EDN1: variants seen among roughly 807,000 people sequenced by gnomAD.
The protein encoded by EDN1 is endothelin-1.
Under a neutral mutation model 21.7 loss-of-function variants are expected in EDN1, and 11 were observed. That is an observed-to-expected ratio of 0.51 (90% CI 0.32 to 0.84). The LOEUF is 0.84. Ranked by LOEUF, EDN1 falls within the 40% of genes least tolerant of loss-of-function variation. The pLI, the probability that EDN1 is intolerant of heterozygous loss-of-function variation, is 0.03. For missense variants in EDN1, 244 were observed against 262.3 expected (o/e 0.93, Z 0.48); for synonymous variants, 85 against 90.6 (o/e 0.94, Z 0.35).
chr6:12,296,137 C>T lies in EDN1; in HGVS notation c.*70C>T. ...CCTGTGGCCGACTCTGCACTCTCCACCCTGGCTGGGATCAGAGCAGGAGCA... is the reference window on the plus strand; with the variant it reads ...CCTGTGGCCGACTCTGCACTCTCCATCCTGGCTGGGATCAGAGCAGGAGCA... On this transcript the variant is annotated 3_prime_UTR_variant, in exon 5 of 5. Coordinates refer to ENST00000379375, the MANE Select transcript of EDN1 (RefSeq NM_001955.5). The T allele has an allele frequency of 7.2e-7, 1 of 1,387,386 alleles. No homozygotes were observed. The highest frequency in any genetic ancestry group is 1.2e-5 in the South Asian group (1 of 86,276). The allele number at this position is 1,387,386 out of a possible 1,614,324, so 85.9% of individuals were successfully genotyped here.
chr6:12,241,258 T>C, the EDN1 span, among the ~76,000 whole-genome samples: 7 of 151,476 alleles, frequency 4.6e-5, no homozygotes, highest in African/African-American at 1.7e-4. Context: ...CTCTGCCTCC[T>C]GGGTTCAAGC....
the EDN1 span, among the ~76,000 whole-genome samples, chr6:12,276,524 A>G: frequency 6.6e-6 from 1 of 152,238 alleles, no homozygotes; most frequent in Non-Finnish European, 1.5e-5. Flanking sequence ...ATTGGGTGTA[A>G]TAAGTGTTAT....
the EDN1 span, among the ~76,000 whole-genome samples, chr6:12,253,871 C>T: frequency 3.3e-5 from 5 of 152,244 alleles, no homozygotes; most frequent in East Asian, 3.9e-4. Context: ...CCCAATCTAC[C>T]GCCCGTGACG....
the EDN1 span, among the ~76,000 whole-genome samples, chr6:12,255,904 T>C: frequency 6.6e-6 from 1 of 152,228 alleles, no homozygotes; most frequent in Non-Finnish European, 1.5e-5. Flanking sequence ...AAAGATATGT[T>C]GGAATGTCTC....
chr6:12,254,973 T>G, the EDN1 span, among the ~76,000 whole-genome samples: 1 of 152,194 alleles, frequency 6.6e-6, no homozygotes, highest in African/African-American at 2.4e-5. Context: ...GAAAAAGTAC[T>G]CAATAATTAC....
the EDN1 span, among the ~76,000 whole-genome samples, chr6:12,284,688 G>T: frequency 1.1e-3 from 131 of 116,790 alleles, 1 homozygote; most frequent in East Asian, 0.032. Context: ...GAAAGAAAGA[G>T]AGAAAGAAAG....
At chr6:12,261,744 C>T in the EDN1 span, among the ~76,000 whole-genome samples, 87 of 152,208 alleles carry the variant, frequency 5.7e-4, no homozygotes, top group African/African-American at 2.1e-3. Flanking sequence ...GAGGCGGCGG[C>T]GCATGTATTT....
At chr6:12,266,705 G>A in the EDN1 span, among the ~76,000 whole-genome samples, 2 of 152,168 alleles carry the variant, frequency 1.3e-5, no homozygotes, top group African/African-American at 2.4e-5. Context: ...GAGAGTGGGG[G>A]CTAGGCCAGC....
chr6:12,263,512 A>T, the EDN1 span, among the ~76,000 whole-genome samples: 1 of 152,184 alleles, frequency 6.6e-6, no homozygotes, highest in African/African-American at 2.4e-5. Flanking sequence ...CTTTGACATA[A>T]ACTAGCCCCA....
chr6:12,238,589 C>T, the EDN1 span, among the ~76,000 whole-genome samples: 1 of 152,242 alleles, frequency 6.6e-6, no homozygotes. Flanking sequence ...AACCCTTAGA[C>T]TGCCAGCTGT....
chr6:12,237,661 G>A, the EDN1 span, among the ~76,000 whole-genome samples: 1 of 152,042 alleles, frequency 6.6e-6, no homozygotes, highest in East Asian at 1.9e-4. Flanking sequence ...CTGCTACTCC[G>A]GGGCTGCCTG....
chr6:12,233,160 C>A, the EDN1 span, among the ~76,000 whole-genome samples: 14 of 152,326 alleles, frequency 9.2e-5, no homozygotes, highest in East Asian at 2.7e-3. Flanking sequence ...AGTTATAGGT[C>A]CTGAGTCCTT....
the EDN1 span, among the ~76,000 whole-genome samples, chr6:12,239,321 T>G: frequency 6.6e-6 from 1 of 152,254 alleles, no homozygotes; most frequent in Non-Finnish European, 1.5e-5. Context: ...TACTTGGATG[T>G]TCTTGTTCCT....
At chr6:12,281,473 G>A in the EDN1 span, among the ~76,000 whole-genome samples, 1 of 125,534 alleles carries the variant, frequency 8.0e-6, no homozygotes, top group Non-Finnish European at 1.7e-5. Flanking sequence ...GGCATCTTGA[G>A]ATAAGTGGCA....
the EDN1 span, among the ~76,000 whole-genome samples, chr6:12,243,131 T>A: frequency 2.6e-5 from 4 of 152,304 alleles, no homozygotes; most frequent in Admixed American, 2.6e-4. Flanking sequence ...TTTTGTATGT[T>A]ATATGTATTA....
chr6:12,288,830 C>G (rs971097998), upstream of EDN1, among the ~76,000 whole-genome samples: 1 of 152,184 alleles, frequency 6.6e-6, no homozygotes, highest in African/African-American at 2.4e-5. Context: ...TTGTGCCAGT[C>G]TTGGAAATTC....
At chr6:12,249,892 ACCAGAGACTGCCAGAAC>A in the EDN1 span, among the ~76,000 whole-genome samples, 1 of 151,944 alleles carries the variant, frequency 6.6e-6, no homozygotes, top group Non-Finnish European at 1.5e-5. Flanking sequence ...CTCTCCAGAC[ACCAGAGACTGCCAGAAC>A]CACGCTCACC....
chr6:12,267,596 A>G, the EDN1 span, among the ~76,000 whole-genome samples: 2 of 152,218 alleles, frequency 1.3e-5, no homozygotes, highest in South Asian at 2.1e-4. Flanking sequence ...AGGTTGGTTC[A>G]TGAGGTTTAA....
intron 1 of EDN1, among the ~76,000 whole-genome samples, chr6:12,290,934 T>G (rs150606192): frequency 1.3e-3 from 194 of 152,298 alleles, no homozygotes; most frequent in African/African-American, 4.5e-3. Flanking sequence ...ACTTATCGTT[T>G]TATTATTATT....
Sources: gnomAD v4.1 joint callset for allele counts (sites outside exome capture counted in the v4.1 genomes callset) on GRCh38, gnomAD v4.1.1 for gene constraint, MANE v1.5 for transcripts, NCBI Gene and HGNC (gene_info 2026-07-23, HGNC 2026-07-21) for gene names.